The following DCC variants were observed in gnomAD, a reference collection of about 807,000 sequenced individuals.
The protein encoded by DCC is DCC netrin 1 receptor, also known as netrin receptor DCC.
Under a neutral mutation model 172.5 loss-of-function variants are expected in DCC, and 58 were observed. That is an observed-to-expected ratio of 0.34 (90% confidence interval 0.27 to 0.42). DCC has a LOEUF of 0.42. Ranked by LOEUF, DCC falls within the 10% of genes least tolerant of loss-of-function variation. DCC has a pLI of 1.00. For synonymous variants in DCC, 709 were observed against 644.5 expected (o/e 1.10, Z -1.52); for missense variants, 1,740 against 1,791.0 (o/e 0.97, Z 0.51).
At chr18:52,777,813 C>G (rs2037461219) in intron 2 of DCC, among the ~76,000 whole-genome samples, 3 of 151,710 alleles carry the variant, frequency 2.0e-5, no homozygotes, top group South Asian at 2.1e-4. Flanking sequence ...TTTGAGGGAG[C>G]AAATGAGGCG....
intron 2 of DCC, among the ~76,000 whole-genome samples, chr18:52,858,556 C>A (rs2039088140): frequency 6.6e-6 from 1 of 152,134 alleles, no homozygotes; most frequent in Admixed American, 6.5e-5. Context: ...TTTTGAGCTT[C>A]TCCTGGCATT....
intron 7 of DCC, among the ~76,000 whole-genome samples, chr18:53,100,420 T>C (rs1166253532): frequency 6.6e-6 from 1 of 152,008 alleles, no homozygotes; most frequent in Non-Finnish European, 1.5e-5. Context: ...TCAAACACTA[T>C]AATGTTCACA....
At chr18:52,388,780 G>C (rs1985918424) in intron 1 of DCC, among the ~76,000 whole-genome samples, 1 of 152,084 alleles carries the variant, frequency 6.6e-6, no homozygotes, top group South Asian at 2.1e-4. Context: ...GTATATTTTG[G>C]AAATGAGTTT....
At chr18:53,202,525 C>A (rs1020456427) in intron 9 of DCC, among the ~76,000 whole-genome samples, 2 of 152,098 alleles carry the variant, frequency 1.3e-5, no homozygotes, top group Non-Finnish European at 2.9e-5. Context: ...TATTTTGTAA[C>A]CACCATGCTA....
At chr18:52,779,758 A>G (rs1328168124) in intron 2 of DCC, among the ~76,000 whole-genome samples, 2 of 152,188 alleles carry the variant, frequency 1.3e-5, no homozygotes, top group African/African-American at 4.8e-5. Flanking sequence ...GAACTAATTT[A>G]CACTCCCACC....
chr18:52,846,777 A>G (rs2145330798), intron 2 of DCC, among the ~76,000 whole-genome samples: 1 of 152,254 alleles, frequency 6.6e-6, no homozygotes, highest in Middle Eastern at 3.4e-3. Context: ...CTTCAACTGG[A>G]AAAAGTAGTG....
chr18:52,917,116 C>CAAA (rs36010390), intron 3 of DCC, among the ~76,000 whole-genome samples: 4 of 82,374 alleles, frequency 4.9e-5, no homozygotes, highest in Non-Finnish European at 6.5e-5. Flanking sequence ...AACCCCGTCT[C>CAAA]AAAAAAAAAA....
At chr18:53,001,448 C>A (rs546418216) in intron 5 of DCC, among the ~76,000 whole-genome samples, 1 of 152,226 alleles carries the variant, frequency 6.6e-6, no homozygotes, top group South Asian at 2.1e-4. Context: ...ACGTTCATAA[C>A]CTCATCAAGA....
intron 28 of DCC, among the ~76,000 whole-genome samples, chr18:53,529,032 TCTCTCTCACACACA>T (rs2046493472): frequency 6.1e-5 from 4 of 65,198 alleles, no homozygotes; most frequent in African/African-American, 2.3e-4. Context: ...TCTCTCTCTC[TCTCTCTCACACACA>T]CACACACACA....
intron 5 of DCC, among the ~76,000 whole-genome samples, chr18:53,007,988 C>A (rs1599022875): frequency 6.6e-6 from 1 of 152,204 alleles, no homozygotes; most frequent in East Asian, 1.9e-4. Context: ...GCCAAATTCA[C>A]CTGCAAATAT....
chr18:52,496,681 A>G (rs1282716650), intron 1 of DCC, among the ~76,000 whole-genome samples: 2 of 152,102 alleles, frequency 1.3e-5, no homozygotes, highest in African/African-American at 4.8e-5. Flanking sequence ...GAAGACATGC[A>G]TATGAAATTT....
At chr18:53,239,548 G>A (rs1025505528) in intron 12 of DCC, among the ~76,000 whole-genome samples, 12 of 152,128 alleles carry the variant, frequency 7.9e-5, no homozygotes, top group Admixed American at 7.9e-4. Context: ...GAGGGAGAAC[G>A]CACCCAGAGA....
At chr18:53,203,218 T>TGTGTGTGTGTGTGC (rs2055570917) in intron 9 of DCC, among the ~76,000 whole-genome samples, 1 of 151,438 alleles carries the variant, frequency 6.6e-6, no homozygotes, top group African/African-American at 2.4e-5. Context: ...TGTGTGTGTG[T>TGTGTGTGTGTGTGC]GTGTGTGTGT....
At position 53,323,057 on chromosome 18, in the gene DCC, G is replaced by A. The variant is rs149388269; in HGVS notation, c.2164+900G>A. Among the ~76,000 whole-genome samples the A allele has an allele frequency of 3.2e-3, 486 of 152,162 alleles. 4 individuals are homozygous for A. Among genetic ancestry groups the A allele is most frequent in the African/African-American group, 0.011 (474 of 41,544 alleles). ...ATAATTGCCTATTATATCTAACAAT[G>A]AAATTCTCTTACTCCTTAACTGATA... On this transcript the variant is annotated intron_variant, in intron 14 of 28. Transcript: ENST00000442544.
intron 21 of DCC, among the ~76,000 whole-genome samples, chr18:53,422,597 A>G (rs1346932198): frequency 6.6e-6 from 1 of 152,200 alleles, no homozygotes; most frequent in Non-Finnish European, 1.5e-5. Flanking sequence ...CAGGCAAAGT[A>G]CTTAACACTG....
intron 1 of DCC, among the ~76,000 whole-genome samples, chr18:52,381,543 C>T (rs1427241770): frequency 6.6e-6 from 1 of 152,064 alleles, no homozygotes; most frequent in Non-Finnish European, 1.5e-5. Flanking sequence ...CCTTCTATGC[C>T]TATGTTATGT....
At chr18:53,422,630 C>T (rs1212784047) in intron 21 of DCC, among the ~76,000 whole-genome samples, 3 of 152,260 alleles carry the variant, frequency 2.0e-5, no homozygotes, top group African/African-American at 7.2e-5. Context: ...TACACCTCAG[C>T]AGTTTTAATC....
chr18:52,865,608 G>T (rs2039213848), intron 2 of DCC, among the ~76,000 whole-genome samples: 4 of 150,294 alleles, frequency 2.7e-5, no homozygotes, highest in Non-Finnish European at 5.9e-5. Context: ...CAGTGATGAT[G>T]AGCTTTTTTT....
At chr18:53,351,418 C>CAGTATATATATAT (rs1404641165) in intron 15 of DCC, among the ~76,000 whole-genome samples, 1 of 19,256 alleles carries the variant, frequency 5.2e-5, no homozygotes, top group African/African-American at 2.5e-4. Context: ...TATATATATA[C>CAGTATATATATAT]ACACTGTGTA....
Sources: allele counts gnomAD v4.1 joint callset (sites outside exome capture counted in the v4.1 genomes callset), GRCh38; gene constraint gnomAD v4.1.1; transcripts MANE v1.5; gene names NCBI Gene and HGNC (gene_info 2026-07-23, HGNC 2026-07-21).